RLIG1: variants seen among roughly 807,000 people sequenced by gnomAD.
The protein encoded by RLIG1 is RNA 5'-phosphate and 3'-OH ligase 1, also known as RNA ligase 1.
At chr12:88,043,646 T>C in the RLIG1 span, 1 of 1,613,104 alleles carries the variant, frequency 6.2e-7, no homozygotes, top group Non-Finnish European at 8.5e-7. Context: ...TCCGGAGTGC[T>C]GGATACCAGC....
chr12:88,049,850 TTAA>T, the RLIG1 span: 2 of 157,628 alleles, frequency 1.3e-5, no homozygotes, highest in South Asian at 2.0e-4. Flanking sequence ...TATAAAGTTA[TTAA>T]TATGATCAGG....
the RLIG1 span, chr12:88,044,453 T>C: frequency 6.6e-6 from 1 of 152,224 alleles, no homozygotes. Flanking sequence ...TCAACCGGCA[T>C]GTCTTGAGTG....
the RLIG1 span, chr12:88,044,416 G>A: frequency 6.6e-6 from 1 of 152,206 alleles, no homozygotes; most frequent in Non-Finnish European, 1.5e-5. Context: ...TGAATAGGAA[G>A]ATATCCCAGA....
chr12:88,045,840 A>G, the RLIG1 span: 1 of 1,375,326 alleles, frequency 7.3e-7, no homozygotes. Context: ...AGAACTTTCT[A>G]GGTCAACTTA....
At chr12:88,048,371 A>AATAG in the RLIG1 span, 8 of 1,588,532 alleles carry the variant, frequency 5.0e-6, no homozygotes, top group Non-Finnish European at 6.9e-6. Context: ...ATTTTTTAAA[A>AATAG]ATAGATAATC....
chr12:88,047,715 T>C, the RLIG1 span, among the ~76,000 whole-genome samples: 1 of 152,138 alleles, frequency 6.6e-6, no homozygotes, highest in Non-Finnish European at 1.5e-5. Context: ...CATAAATCTG[T>C]TCAGTTACAT....
the RLIG1 span, among the ~76,000 whole-genome samples, chr12:88,038,666 G>A: frequency 6.6e-6 from 1 of 152,104 alleles, no homozygotes; most frequent in Admixed American, 6.5e-5. Flanking sequence ...TTTCCTTTCA[G>A]GCAGATAATA....
chr12:88,037,376 AGAAGG>A, the RLIG1 span, among the ~76,000 whole-genome samples: 1 of 137,874 alleles, frequency 7.3e-6, no homozygotes, highest in Non-Finnish European at 1.5e-5. Context: ...TGACAGGTGG[AGAAGG>A]AGAACTTTGT....
At chr12:88,044,460 A>T in the RLIG1 span, 1 of 152,236 alleles carries the variant, frequency 6.6e-6, no homozygotes, top group East Asian at 1.9e-4. Context: ...GCATGTCTTG[A>T]GTGCCCATTA....
At chr12:88,048,286 A>C in the RLIG1 span, 1 of 1,600,910 alleles carries the variant, frequency 6.2e-7, no homozygotes, top group Non-Finnish European at 8.5e-7. Flanking sequence ...ACTTACATGA[A>C]TTCAAGACCA....
At chr12:88,046,998 G>A in the RLIG1 span, 10 of 1,575,580 alleles carry the variant, frequency 6.3e-6, no homozygotes, top group Non-Finnish European at 6.0e-6. Flanking sequence ...AATAGCTCCG[G>A]TGGGGTTATG....
At chr12:88,045,855 A>G in the RLIG1 span, 2 of 1,103,512 alleles carry the variant, frequency 1.8e-6, no homozygotes, top group Non-Finnish European at 2.7e-6. Flanking sequence ...AACTTAAAAA[A>G]CATACACACA....
At chr12:88,038,314 A>G in the RLIG1 span, among the ~76,000 whole-genome samples, 11 of 152,190 alleles carry the variant, frequency 7.2e-5, no homozygotes, top group Non-Finnish European at 5.9e-5. Context: ...TTCTGCCTGC[A>G]TAGTCTAGGA....
At chr12:88,047,621 A>G in the RLIG1 span, among the ~76,000 whole-genome samples, 3 of 152,074 alleles carry the variant, frequency 2.0e-5, no homozygotes, top group Admixed American at 1.3e-4. Flanking sequence ...TTTAACTATC[A>G]TATCACCCTC....
the RLIG1 span, among the ~76,000 whole-genome samples, chr12:88,040,783 G>A: frequency 1.7e-4 from 19 of 114,900 alleles, no homozygotes; most frequent in African/African-American, 5.7e-4. Context: ...AAGAAGAAAT[G>A]TACGGAAAAG....
chr12:88,037,626 A>C, the RLIG1 span, among the ~76,000 whole-genome samples: 5 of 152,212 alleles, frequency 3.3e-5, no homozygotes, highest in Admixed American at 6.5e-5. Context: ...ATCATAAGTT[A>C]GTGAAAACCA....
At chr12:88,043,594 T>C in the RLIG1 span, 1 of 1,579,454 alleles carries the variant, frequency 6.3e-7, no homozygotes, top group South Asian at 1.2e-5. Context: ...TTTAATATTT[T>C]TTAGAATTTT....
At chr12:88,048,825 T>TATCATAGGA in the RLIG1 span, 2 of 184,084 alleles carry the variant, frequency 1.1e-5, no homozygotes, top group Non-Finnish European at 2.2e-5. Context: ...TCTGTGTATA[T>TATCATAGGA]ATCATAGGAT....
the RLIG1 span, among the ~76,000 whole-genome samples, chr12:88,038,607 C>T: frequency 6.6e-6 from 1 of 152,170 alleles, no homozygotes; most frequent in Admixed American, 6.5e-5. Flanking sequence ...GTAGTACTGT[C>T]ATGTCTAATA....
Sources: gnomAD v4.1 joint callset for allele counts (sites outside exome capture counted in the v4.1 genomes callset) on GRCh38, gnomAD v4.1.1 for gene constraint, MANE v1.5 for transcripts, NCBI Gene and HGNC (gene_info 2026-07-23, HGNC 2026-07-21) for gene names.